The following RBM4B variants were observed in gnomAD, a reference collection of about 807,000 sequenced individuals.
RBM4B encodes RNA-binding protein 4B.
In RBM4B, 13 loss-of-function variants were observed where a neutral mutation model predicts 28.5. The observed-to-expected ratio is 0.46, with a 90% CI of 0.30 to 0.72. The LOEUF (loss-of-function observed/expected upper bound fraction) is 0.72, where lower values mean the gene tolerates loss of function less well. Among genes scored for constraint, RBM4B ranks in the 30% least tolerant of loss-of-function variants. The pLI, the probability that RBM4B is intolerant of heterozygous loss-of-function variation, is 0.09. For synonymous variants in RBM4B, 167 were observed against 179.1 expected (o/e 0.93, Z 0.54); for missense variants, 387 against 477.6 (o/e 0.81, Z 1.77).
chr11:66,670,820 AAAAT>A, intron 2 of RBM4B: 1 of 635,848 alleles, frequency 1.6e-6, no homozygotes, highest in African/African-American at 1.8e-5. Flanking sequence ...AAAAAAAAAA[AAAAT>A]GGAAAACGCA....
intron 2 of RBM4B, among the ~76,000 whole-genome samples, chr11:66,673,630 T>C (rs1223259162): frequency 6.6e-6 from 1 of 152,164 alleles, no homozygotes; most frequent in Non-Finnish European, 1.5e-5. Context: ...AGCTAATTTT[T>C]GTATTTTTAG....
intron 2 of RBM4B, chr11:66,675,831 A>G (rs1939619507): frequency 1.3e-5 from 2 of 152,154 alleles, no homozygotes; most frequent in South Asian, 4.1e-4. Flanking sequence ...CACTTGAAAA[A>G]CTGAATTTTA....
intron 3 of RBM4B, 158 bp from the exon 4 acceptor site, chr11:66,665,736 C>T (rs1939205015): frequency 7.4e-7 from 1 of 1,350,032 alleles, no homozygotes; most frequent in Admixed American, 2.3e-5. Context: ...CATGTAATTA[C>T]CTAGGAGTCT....
intron 2 of RBM4B, chr11:66,676,219 C>T (rs1020891512): frequency 2.7e-5 from 5 of 188,676 alleles, no homozygotes; most frequent in African/African-American, 7.0e-5. Flanking sequence ...CTCTAGATGT[C>T]TTTTTTCTTC....
At chr11:66,671,451 T>C (rs1939461316) in intron 2 of RBM4B, among the ~76,000 whole-genome samples, 1 of 152,158 alleles carries the variant, frequency 6.6e-6, no homozygotes, top group Non-Finnish European at 1.5e-5. Flanking sequence ...AGACACAAAG[T>C]ATACTCCAAT....
chr11:66,666,252 G>GAAAAAAAA, intron 3 of RBM4B: 1 of 1,023,572 alleles, frequency 9.8e-7, no homozygotes, highest in Non-Finnish European at 1.2e-6. Flanking sequence ...ATGGCTGGGG[G>GAAAAAAAA]AAAAAAAAAG....
At chr11:66,674,693 G>GGGATTAC (rs1939588348) in intron 2 of RBM4B, among the ~76,000 whole-genome samples, 2 of 151,710 alleles carry the variant, frequency 1.3e-5, no homozygotes, top group African/African-American at 4.8e-5. Context: ...TCAGCCTCCC[G>GGGATTAC]AGTAGCTGGG....
intron 2 of RBM4B, among the ~76,000 whole-genome samples, chr11:66,672,800 C>G (rs916968188): frequency 6.6e-6 from 1 of 152,068 alleles, no homozygotes; most frequent in Non-Finnish European, 1.5e-5. Flanking sequence ...TCCAGCCTAG[C>G]CTTTAAATTT....
chr11:66,676,614 C>G, intron 2 of RBM4B, 54 bp downstream of exon 2: 1 of 1,588,378 alleles, frequency 6.3e-7, no homozygotes, highest in Non-Finnish European at 8.6e-7. Flanking sequence ...GTGTTCTTGC[C>G]TGTTTTGAGC....
At chr11:66,673,712 C>T (rs1355228674) in intron 2 of RBM4B, among the ~76,000 whole-genome samples, 1 of 152,162 alleles carries the variant, frequency 6.6e-6, no homozygotes. Flanking sequence ...ACCCCCGCCT[C>T]GGCCTTCCAG....
rs769840697 is a variant in RBM4B, at chr11:66,676,675, C to T, written c.405G>A (p.Glu135=). 1.9e-6 allele frequency: 3 copies of T among 1,613,862 alleles called. No individual in the cohort carries two copies. Among genetic ancestry groups the T allele is most frequent in the African/African-American group, 2.7e-5 (2 of 74,904 alleles). The change falls in exon 2 of 4, where the codon GAG becomes GAA. Residue 135 remains glutamate, a synonymous_variant. Coordinates refer to ENST00000310046, the MANE Select transcript of RBM4B (RefSeq NM_031492.4). ...VEAIRGLDNT[E]FQGKRMHVQL... ...AGGCCCAGAGCAGTTCACCTTGAAA[C>T]TCTGTGTTGTCAAGGCCCCTGATGG...
chr11:66,666,084 T>A lies in RBM4B; in HGVS notation c.*10-506A>T, dbSNP rs1939222241. 24 of 942,022 alleles carry A rather than the reference T, an allele frequency of 2.5e-5. No homozygotes were observed. The East Asian group carries it at 6.4e-4, about 25-fold the overall frequency. 58.4% of individuals were successfully genotyped at this position (942,022 alleles called of 1,614,324 possible). A position where few individuals can be genotyped will look rare whatever the true frequency, so the allele number is the denominator to read the frequency against. The stretch of plus-strand genomic sequence containing the variant: ...AGGATATCAAGGAGCAGCCAGTCAT[T>A]CACCCAATTCCAACACACCTACATG... On this transcript the variant is annotated intron_variant, in intron 3 of 3. Coordinates refer to ENST00000310046, the MANE Select transcript of RBM4B (RefSeq NM_031492.4).
At chr11:66,673,363 C>T (rs1023953895) in intron 2 of RBM4B, among the ~76,000 whole-genome samples, 4 of 152,188 alleles carry the variant, frequency 2.6e-5, no homozygotes, top group African/African-American at 9.7e-5. Context: ...AACTCAGATT[C>T]CGCTACTTCC....
At chr11:66,666,148 T>C (rs578152497) in intron 3 of RBM4B, 1 of 740,376 alleles carries the variant, frequency 1.4e-6, no homozygotes, top group South Asian at 2.5e-5. Context: ...TTCCAGTAGT[T>C]CCCCTAATTG....
At chr11:66,675,735 T>TG (rs1368737547) in intron 2 of RBM4B, 1 of 152,236 alleles carries the variant, frequency 6.6e-6, no homozygotes, top group Non-Finnish European at 1.5e-5. Context: ...AAGAATGTTC[T>TG]ATGATGATGG....
At chr11:66,672,507 G>A (rs1056861489) in intron 2 of RBM4B, among the ~76,000 whole-genome samples, 2 of 141,628 alleles carry the variant, frequency 1.4e-5, no homozygotes, top group Admixed American at 7.1e-5. Context: ...AATTTTTTTG[G>A]GGGGGGGGGA....
chr11:66,676,263 A>G, intron 2 of RBM4B: 1 of 272,928 alleles, frequency 3.7e-6, no homozygotes, highest in East Asian at 7.2e-5. Context: ...GCAGTAAAGA[A>G]TATAAATCTT....
chr11:66,676,852 A>G lies in RBM4B; in HGVS notation c.228T>C (p.Ala76=), dbSNP rs1459098824. Residue 76 remains alanine (A), a synonymous_variant, in exon 2 of 4, where the codon GCT becomes GCC. Transcript: ENST00000310046. The part of the protein sequence containing the change: ...NVEASKNKSK[A]STKLHVGNIS... Reference sequence around the variant, plus strand: ...TGTTACCCACGTGTAACTTGGTTGAAGCTTTGCTCTTATTCTTGCTGGCTT... The same window carrying G: ...TGTTACCCACGTGTAACTTGGTTGAGGCTTTGCTCTTATTCTTGCTGGCTT... 1.2e-6 allele frequency: 2 copies of G among 1,614,148 alleles called. No individual in the cohort carries two copies. The highest frequency in any genetic ancestry group is 1.7e-6 in the Non-Finnish European group (2 of 1,180,022).
At chr11:66,674,324 C>T (rs1200266439) in intron 2 of RBM4B, among the ~76,000 whole-genome samples, 2 of 150,808 alleles carry the variant, frequency 1.3e-5, no homozygotes, top group Non-Finnish European at 3.0e-5. Context: ...CCTGGGTTCA[C>T]GCTATTCTCC....
Sources: gnomAD v4.1 joint callset for allele counts (sites outside exome capture counted in the v4.1 genomes callset) on GRCh38, gnomAD v4.1.1 for gene constraint, MANE v1.5 for transcripts, NCBI Gene and HGNC (gene_info 2026-07-23, HGNC 2026-07-21) for gene names.